The following TTLL7 variants were observed in gnomAD, a reference collection of about 807,000 sequenced individuals.
TTLL7 encodes the protein tubulin polyglutamylase TTLL7.
A neutral mutation model predicts 120.2 loss-of-function variants in TTLL7; 53 were observed. The observed-to-expected ratio is 0.44, with a 90% CI of 0.35 to 0.55. The LOEUF (loss-of-function observed/expected upper bound fraction) is 0.55, where lower values mean the gene tolerates loss of function less well. Among genes scored for constraint, TTLL7 ranks in the 20% least tolerant of loss-of-function variants. TTLL7 has a pLI of 0.00. For synonymous variants in TTLL7, 353 were observed against 351.7 expected, an observed-to-expected ratio of 1.00 and a Z score of -0.04; for missense variants, 803 against 1,054.7, an observed-to-expected ratio of 0.76 and a Z score of 3.31.
intron 10 of TTLL7, among the ~76,000 whole-genome samples, chr1:83,926,762 A>C (rs1354588029): frequency 6.6e-6 from 1 of 152,168 alleles, no homozygotes; most frequent in Non-Finnish European, 1.5e-5. Context: ...ATTTAATTTA[A>C]TCTAATTAAC....
chr1:83,962,380 T>C (rs981648563), intron 1 of TTLL7, among the ~76,000 whole-genome samples: 1 of 152,278 alleles, frequency 6.6e-6, no homozygotes, highest in African/African-American at 2.4e-5. Context: ...GCACACCTTA[T>C]TGCCCTTCTT....
intron 13 of TTLL7, 74 bp downstream of exon 13, chr1:83,919,625 C>A: frequency 7.5e-7 from 1 of 1,339,714 alleles, no homozygotes; most frequent in African/African-American, 1.5e-5. Context: ...TATGTCGGAC[C>A]AAGGTGGCTT....
At chr1:83,897,290 C>T (rs1168730600) in intron 18 of TTLL7, among the ~76,000 whole-genome samples, 1 of 151,996 alleles carries the variant, frequency 6.6e-6, no homozygotes, top group African/African-American at 2.4e-5. Flanking sequence ...GAGTCTTGTG[C>T]TTCCATACCT....
intron 1 of TTLL7, among the ~76,000 whole-genome samples, chr1:83,967,013 A>C (rs1234365103): frequency 6.6e-6 from 1 of 152,106 alleles, no homozygotes. Context: ...AGAATGCCTT[A>C]ATGAATTTAT....
intron 1 of TTLL7, among the ~76,000 whole-genome samples, chr1:83,975,057 T>C (rs1241241327): frequency 6.6e-6 from 1 of 152,120 alleles, no homozygotes; most frequent in Non-Finnish European, 1.5e-5. Flanking sequence ...ATATGAAAAG[T>C]GCTCTGCACA....
chr1:83,919,302 C>T (rs1401948881), intron 13 of TTLL7, among the ~76,000 whole-genome samples: 11 of 148,898 alleles, frequency 7.4e-5, no homozygotes, highest in Non-Finnish European at 1.3e-4. Flanking sequence ...GTTTCATTTA[C>T]TTCCTCTCAT....
intron 1 of TTLL7, among the ~76,000 whole-genome samples, chr1:83,978,741 C>T (rs189566459): frequency 1.3e-5 from 2 of 152,034 alleles, no homozygotes; most frequent in African/African-American, 4.8e-5. Context: ...AGAATGATAG[C>T]AGAGCATATA....
At chr1:83,884,922 T>G (rs1427944349) in intron 19 of TTLL7, among the ~76,000 whole-genome samples, 1 of 151,826 alleles carries the variant, frequency 6.6e-6, no homozygotes, top group Non-Finnish European at 1.5e-5. Context: ...GGCAAAGGAA[T>G]GAAAATTATT....
intron 18 of TTLL7, 63 bp from the exon 19 acceptor site, chr1:83,890,544 T>G: frequency 7.1e-7 from 1 of 1,408,168 alleles, no homozygotes; most frequent in Non-Finnish European, 9.7e-7. Context: ...AATTCAAAGA[T>G]GTAGCTTGAG....
At chr1:83,978,683 T>C (rs566619350) in intron 1 of TTLL7, among the ~76,000 whole-genome samples, 1 of 152,164 alleles carries the variant, frequency 6.6e-6, no homozygotes, top group South Asian at 2.1e-4. Context: ...CAGAAGGCTT[T>C]CAAAAAAGGA....
intron 20 of TTLL7, among the ~76,000 whole-genome samples, chr1:83,871,865 T>G (rs1557504755): frequency 7.3e-6 from 1 of 137,684 alleles, no homozygotes; most frequent in African/African-American, 2.8e-5. Flanking sequence ...CCACTGCACT[T>G]GAGCCTGGGC....
At chr1:83,995,160 T>C (rs1363564241) in intron 1 of TTLL7, among the ~76,000 whole-genome samples, 2 of 152,098 alleles carry the variant, frequency 1.3e-5, no homozygotes, top group Admixed American at 6.5e-5. Context: ...AAGACTATAA[T>C]CTGAGGAGCC....
intron 20 of TTLL7, among the ~76,000 whole-genome samples, chr1:83,871,924 T>C (rs111401824): frequency 8.4e-6 from 1 of 119,252 alleles, no homozygotes; most frequent in Non-Finnish European, 1.8e-5. Context: ...AAAAGGAAAA[T>C]AGAATTCTCC....
rs1652951375 is a variant in TTLL7, at chr1:83,866,876, G to C, written c.*3086C>G. 6.6e-6 allele frequency: 1 copy of C among 151,972 alleles called. No individual in the cohort carries two copies. The highest frequency in any genetic ancestry group is 2.1e-4 in the South Asian group (1 of 4,826). The allele number at this position is 151,972 out of a possible 1,614,324, so 9.4% of individuals were successfully genotyped here. ...AAGTGAAAACTAGTTTGCAGTCTCA[G>C]ACTACGTTTGTAAGTGATGATTTAA... On this transcript the variant is annotated 3_prime_UTR_variant, in exon 21 of 21. Coordinates refer to ENST00000260505, the MANE Select transcript of TTLL7 (RefSeq NM_024686.6).
chr1:83,907,622 G>A lies in TTLL7; in HGVS notation c.1826C>T (p.Ser609Phe), dbSNP rs1233773455. The stretch of plus-strand genomic sequence containing the variant: ...GTCCCCACTGGAAGGTGATTGAGCA[G>A]AGATGGACCGAGGGCAGCTGACTGA... The part of the protein sequence containing the change: ...RRSVSCPRSI[S>F]AQSPSSGDTR... The change falls in exon 16 of 21, where the codon TCT becomes TTT. Residue 609 changes from serine to phenylalanine, a missense_variant. Coordinates refer to ENST00000260505, the MANE Select transcript of TTLL7 (RefSeq NM_024686.6). The A allele has an allele frequency of 6.2e-7, 1 of 1,613,020 alleles. No homozygotes were observed. Among genetic ancestry groups the A allele is most frequent in the African/African-American group, 1.3e-5 (1 of 74,862 alleles).
At chr1:83,985,161 C>G (rs747423384) in intron 1 of TTLL7, among the ~76,000 whole-genome samples, 25 of 152,140 alleles carry the variant, frequency 1.6e-4, no homozygotes, top group Non-Finnish European at 3.5e-4. Flanking sequence ...GTGGCTCAGT[C>G]TGAGTCCGAA....
At chr1:83,969,587 G>A (rs1264442131) in intron 1 of TTLL7, among the ~76,000 whole-genome samples, 1 of 151,932 alleles carries the variant, frequency 6.6e-6, no homozygotes, top group African/African-American at 2.4e-5. Flanking sequence ...TATAACAAAA[G>A]TCTAAATTAT....
chr1:83,898,900 A>T (rs572568072), intron 18 of TTLL7, among the ~76,000 whole-genome samples: 26 of 151,942 alleles, frequency 1.7e-4, no homozygotes, highest in South Asian at 4.1e-4. Flanking sequence ...AATTTTTTTT[A>T]AAAAATCCCA....
intron 10 of TTLL7, 76 bp downstream of exon 10, chr1:83,929,060 G>T: frequency 2.4e-6 from 2 of 828,232 alleles, no homozygotes; most frequent in East Asian, 2.9e-5. Context: ...ATTCTGAAAA[G>T]CCAATTTTAT....
Sources: allele counts gnomAD v4.1 joint callset (sites outside exome capture counted in the v4.1 genomes callset), GRCh38; gene constraint gnomAD v4.1.1; transcripts MANE v1.5; gene names NCBI Gene and HGNC (gene_info 2026-07-23, HGNC 2026-07-21).